BCLAF3: variants seen among roughly 807,000 people sequenced by gnomAD.
BCLAF3 encodes BCLAF1 and THRAP3 family member 3, also known as transient octamer binding factor 1.
BCLAF3 carries 24 observed loss-of-function variants against 51.2 expected under a neutral mutation model. The observed-to-expected ratio is 0.47, with a 90% CI of 0.34 to 0.66. The LOEUF is 0.66. Among genes scored for constraint, BCLAF3 ranks in the 30% least tolerant of loss-of-function variants. The pLI is 0.01. For missense variants in BCLAF3, 465 were observed against 525.1 expected (o/e 0.89, Z 1.12); for synonymous variants, 152 against 176.6 (o/e 0.86, Z 1.10).
At position 19,946,757 on chromosome X, in the gene BCLAF3, G is replaced by C. The variant is rs1000753189; in HGVS notation, c.1745+3996C>G. ...CCTTTCTATTCCTTAAACAAAAGCA[G>C]GCATGCTGAAGGTCTTTGCTTTTGC... On this transcript the variant is annotated intron_variant, in intron 8 of 11. Transcript: ENST00000379682. 2.7e-5 allele frequency among the ~76,000 whole-genome samples: 3 copies of C among 111,634 alleles called. No individual in the cohort carries two copies. In the Admixed American group the frequency reaches 2.9e-4, roughly 11 times the overall value.
At chrX:19,955,056 G>GT (rs1354395118) in intron 5 of BCLAF3, among the ~76,000 whole-genome samples, 5 of 111,294 alleles carry the variant, frequency 4.5e-5, no homozygotes, top group Non-Finnish European at 7.6e-5. Context: ...TTTCCTATCT[G>GT]TTTTTTGTTG....
In BCLAF3 at chrX:19,965,567, T is replaced by G. The variant is rs1472834391; in HGVS notation, c.751A>C (p.Thr251Pro). 1 of 1,197,989 alleles carries G rather than the reference T, an allele frequency of 8.3e-7. No individual in the cohort carries two copies. The highest frequency in any genetic ancestry group is 1.1e-6 in the Non-Finnish European group (1 of 889,707). The change falls in exon 4 of 12, where the codon ACA becomes CCA. Residue 251 changes from threonine (T) to proline (P), a missense_variant. Physicochemically the swap from Thr to Pro is conservative, Grantham distance 38 (BLOSUM62 -1). Transcript: ENST00000379682. ...TGGGGCCCAAGGTTCCACTGGTCTGTGTCCTCTTGGTAAGGTGGGAGGGAA... is the reference window on the plus strand; with the variant it reads ...TGGGGCCCAAGGTTCCACTGGTCTGGGTCCTCTTGGTAAGGTGGGAGGGAA... ...EHSLPPYQED[T>P]DQWNLGPQTY...
intron 3 of BCLAF3, 130 bp from the exon 4 acceptor site, chrX:19,965,836 C>A: frequency 1.4e-6 from 1 of 708,287 alleles, no homozygotes; most frequent in Non-Finnish European, 2.0e-6. Context: ...CCCTTTAAGC[C>A]AATTCTATAG....
At chrX:19,987,470 A>C (rs1427233869) in intron 1 of BCLAF3, among the ~76,000 whole-genome samples, 1 of 110,887 alleles carries the variant, frequency 9.0e-6, no homozygotes, top group Admixed American at 9.6e-5. Context: ...ACGCCTGGCT[A>C]CTTTTTGTAT....
In BCLAF3 at chrX:19,965,666, A is replaced by G; in HGVS notation, c.652T>C (p.Ser218Pro). ...CTCTCCACGTCTTTAGGTCTTTTTG[A>G]TGTGTGTCCATATTTTCTGAAATCA... is the stretch of plus-strand genomic sequence containing the variant. ...DRDFRKYGHT[S>P]KRPKDVERYE... Residue 218 changes from serine to proline, a missense_variant, in exon 4 of 12, where the codon TCA becomes CCA. Ser to Pro is a moderately conservative substitution (Grantham distance 74). Coordinates refer to ENST00000379682, the MANE Select transcript of BCLAF3 (RefSeq NM_001367774.2). 8.8e-7 allele frequency: 1 copy of G among 1,139,034 alleles called. No individual in the cohort carries two copies. The highest frequency in any genetic ancestry group is 3.1e-5 in the Admixed American group (1 of 32,474). 93.9% of individuals were successfully genotyped at this position (1,139,034 alleles called of 1,213,427 possible).
intron 8 of BCLAF3, among the ~76,000 whole-genome samples, chrX:19,946,784 G>A (rs1381608568): frequency 9.0e-6 from 1 of 111,413 alleles, no homozygotes; most frequent in Admixed American, 9.5e-5. Context: ...TGCTTTTGCT[G>A]TTCCCTCTCT....
Position 19,937,450 on chromosome X carries a change from T to G in BCLAF3, c.1828A>C (p.Asn610His), listed in dbSNP as rs752200493. Residue 610 changes from asparagine (N) to histidine (H), a missense_variant, in exon 9 of 12, where the codon AAT (asparagine) becomes CAT (histidine). Physicochemically the swap from Asn to His is moderately conservative, Grantham distance 68 (BLOSUM62 1). Coordinates refer to ENST00000379682, the MANE Select transcript of BCLAF3 (RefSeq NM_001367774.2). ...FQKPTHFIKS[N>H]FRKCIEKPYM... is the part of the protein sequence containing the mutation. ...GGTTTTTCAATACATTTTCTAAAAT[T>G]TGATTTTATAAAATGTGTGGGTTTT... 3.4e-6 allele frequency: 4 copies of G among 1,174,263 alleles called. No individual in the cohort carries two copies. Among genetic ancestry groups the G allele is most frequent in the Admixed American group, 2.2e-5 (1 of 44,840 alleles).
intron 1 of BCLAF3, among the ~76,000 whole-genome samples, chrX:19,978,646 T>C (rs1355925386): frequency 8.9e-6 from 1 of 112,456 alleles, no homozygotes. Flanking sequence ...TACATATGTT[T>C]AGTTGATAAA....
chrX:19,951,908 A>G (rs1022779486), intron 7 of BCLAF3, among the ~76,000 whole-genome samples: 9 of 111,918 alleles, frequency 8.0e-5, no homozygotes, highest in Non-Finnish European at 1.5e-4. Context: ...AGCCTGGGTG[A>G]GACCAGGACT....
rs753804775 is a variant in BCLAF3 at position 19,945,972 on chromosome X, C to G, written c.1745+4781G>C. 3.7e-3 allele frequency among the ~76,000 whole-genome samples: 407 copies of G among 109,442 alleles called. 2 individuals carry two copies. Among genetic ancestry groups the G allele is most frequent in the African/African-American group, 0.013 (378 of 29,675 alleles). ...CCGAGCCAGGTGTGGGATATAGTCT[C>G]GTGATGCGCCGTTTTTTAAGCCGGT... On this transcript the variant is annotated intron_variant, in intron 8 of 11. Transcript: ENST00000379682.
At chrX:19,955,001 G>A (rs1243121114) in intron 5 of BCLAF3, among the ~76,000 whole-genome samples, 1 of 111,939 alleles carries the variant, frequency 8.9e-6, no homozygotes, top group Admixed American at 9.5e-5. Context: ...GCCCTCAGGG[G>A]GCTTTAAGAA....
At chrX:19,918,977 C>A (rs761120951) in intron 11 of BCLAF3, among the ~76,000 whole-genome samples, 1 of 111,318 alleles carries the variant, frequency 9.0e-6, no homozygotes, top group South Asian at 3.8e-4. Context: ...CCAGAACCTC[C>A]CCACCCACTG....
chrX:19,953,758 A>G lies in BCLAF3; in HGVS notation c.1565+20T>C, dbSNP rs1312626412. On this transcript the variant is annotated intron_variant, in intron 6 of 11. Transcript: ENST00000379682. ...TATCCCCATTAGTTAAATGGGTATA[A>G]TATGGTAATCAATCATTACCTGTGT... is the stretch of plus-strand genomic sequence containing the variant. The G allele has an allele frequency of 8.8e-7, 1 of 1,133,675 alleles. No homozygotes were observed. Among genetic ancestry groups the G allele is most frequent in the Non-Finnish European group, 1.2e-6 (1 of 828,224 alleles). 93.4% of individuals were successfully genotyped at this position (1,133,675 alleles called of 1,213,427 possible).
chrX:19,950,237 T>C (rs1375423532), intron 8 of BCLAF3, among the ~76,000 whole-genome samples: 1 of 112,015 alleles, frequency 8.9e-6, no homozygotes, highest in African/African-American at 3.2e-5. Flanking sequence ...CTGCATTTTC[T>C]ACTACACCTG....
At chrX:19,939,586 T>C (rs1263156233) in intron 8 of BCLAF3, among the ~76,000 whole-genome samples, 1 of 111,899 alleles carries the variant, frequency 8.9e-6, no homozygotes. Flanking sequence ...CTAACTAGGA[T>C]GGCTATAACC....
Position 19,969,037 on chromosome X carries a change from C to T in BCLAF3, c.41+1187G>A, listed in dbSNP as rs777774574. On this transcript the variant is annotated intron_variant, in intron 2 of 11. Transcript: ENST00000379682. The stretch of plus-strand genomic sequence containing the variant: ...CTGAGGCAGGAGAATGGCGTGAACC[C>T]GGGAGACGGAGCTTGCAGTGAGCTG... 2.8e-4 allele frequency among the ~76,000 whole-genome samples: 31 copies of T among 111,854 alleles called. 1 individual carries two copies. In the East Asian group the frequency reaches 6.2e-3, roughly 22 times the overall value.
chrX:19,931,604 A>G (rs2070559304), intron 10 of BCLAF3, among the ~76,000 whole-genome samples: 2 of 112,420 alleles, frequency 1.8e-5, no homozygotes, highest in East Asian at 2.8e-4. Context: ...CCAGTTCAGC[A>G]TAACTTGAAT....
At chrX:19,989,394 G>A (rs1052220787) in intron 1 of BCLAF3, among the ~76,000 whole-genome samples, 1 of 111,500 alleles carries the variant, frequency 9.0e-6, no homozygotes, top group Non-Finnish European at 1.9e-5. Flanking sequence ...TACTCGGGAG[G>A]CTGACACAGG....
chrX:19,941,652 C>A (rs1345183130), intron 8 of BCLAF3, among the ~76,000 whole-genome samples: 1 of 109,548 alleles, frequency 9.1e-6, no homozygotes, highest in Non-Finnish European at 1.9e-5. Context: ...GGTACCAGTA[C>A]CATGCTGTTT....
Sources: gnomAD v4.1 joint callset for allele counts (sites outside exome capture counted in the v4.1 genomes callset) on GRCh38, gnomAD v4.1.1 for gene constraint, MANE v1.5 for transcripts, NCBI Gene and HGNC (gene_info 2026-07-23, HGNC 2026-07-21) for gene names.